Variants in ARFGEF3 observed in about 807,000 individuals in gnomAD.
The protein encoded by ARFGEF3 is ARFGEF family member 3.
Under a neutral mutation model 221.7 loss-of-function variants are expected in ARFGEF3, and 96 were observed. The observed-to-expected ratio is 0.43, with a 90% CI of 0.37 to 0.51. The LOEUF is 0.51. ARFGEF3 is among the 20% of genes least tolerant of loss of function. The probability of loss-of-function intolerance (pLI) is 0.00; values close to 1 mark genes in which losing one functional copy is unlikely to be tolerated. For synonymous variants in ARFGEF3, 1,145 were observed against 1,126.8 expected, an observed-to-expected ratio of 1.02 and a Z score of -0.32; for missense variants, 2,410 against 2,789.9, an observed-to-expected ratio of 0.86 and a Z score of 3.07.
At chr6:138,246,039 C>G (rs1450139332) in intron 8 of ARFGEF3, among the ~76,000 whole-genome samples, 1 of 152,206 alleles carries the variant, frequency 6.6e-6, no homozygotes, top group African/African-American at 2.4e-5. Flanking sequence ...ATTCCAGAGC[C>G]TATGAGCTCA....
chr6:138,275,365 A>G (rs181732340), intron 12 of ARFGEF3, among the ~76,000 whole-genome samples: 70 of 152,278 alleles, frequency 4.6e-4, no homozygotes, highest in African/African-American at 1.7e-3. Flanking sequence ...AAAAATGTTT[A>G]TACTGCCCTC....
At chr6:138,218,629 T>C in intron 4 of ARFGEF3, 2 of 785,538 alleles carry the variant, frequency 2.5e-6, no homozygotes, top group Non-Finnish European at 3.5e-6. Flanking sequence ...GTTTCAGATG[T>C]AGAGAATCAG....
In ARFGEF3 at chr6:138,334,392, C is replaced by T. The variant is rs374122476; in HGVS notation, c.5546C>T (p.Thr1849Met). The T allele has an allele frequency of 1.8e-5, 29 of 1,612,850 alleles. No homozygotes were observed. Among genetic ancestry groups the T allele is most frequent in the Non-Finnish European group, 2.3e-5 (27 of 1,179,590 alleles). ...CTTTTTGAGGACGACGAGAGAAGCA[C>T]GGATTCTTCCCAGCAGTGTTCATCT... is the stretch of plus-strand genomic sequence containing the variant. Reference protein sequence around the residue: ...KVLFEDDERSTDSSQQCSSED... With the variant: ...KVLFEDDERSMDSSQQCSSED... The change falls in exon 33 of 34, where the codon ACG (threonine) becomes ATG (methionine). Residue 1849 changes from threonine to methionine, a missense_variant. Coordinates refer to ENST00000251691, the MANE Select transcript of ARFGEF3 (RefSeq NM_020340.5). This position sits in a 1 kb window ranked among gnomAD's most constrained non-coding sequence, Gnocchi z 5.1.
intron 31 of ARFGEF3, 66 bp downstream of exon 31, chr6:138,324,220 T>C (rs1780089629): frequency 5.2e-6 from 8 of 1,550,758 alleles, no homozygotes; most frequent in Non-Finnish European, 5.3e-6. Flanking sequence ...GAGACCTTCC[T>C]TGAAGGTCTC....
chr6:138,329,189 G>C (rs1005466336), intron 32 of ARFGEF3, among the ~76,000 whole-genome samples: 1 of 152,088 alleles, frequency 6.6e-6, no homozygotes. Flanking sequence ...TGAAGGCAAT[G>C]ACCAACATTT....
intron 8 of ARFGEF3, among the ~76,000 whole-genome samples, chr6:138,250,562 A>G (rs1410980506): frequency 1.3e-5 from 2 of 152,204 alleles, no homozygotes; most frequent in Non-Finnish European, 2.9e-5. Flanking sequence ...AACTAAATTC[A>G]AATCTATTTC....
intron 2 of ARFGEF3, among the ~76,000 whole-genome samples, chr6:138,202,279 G>A (rs568894429): frequency 2.2e-4 from 34 of 152,166 alleles, no homozygotes; most frequent in Non-Finnish European, 4.7e-4. Flanking sequence ...GTGCAAAGGG[G>A]ATTGAGTGTG....
At chr6:138,332,315 G>A (rs1182343729) in intron 32 of ARFGEF3, among the ~76,000 whole-genome samples, 1 of 109,630 alleles carries the variant, frequency 9.1e-6, no homozygotes, top group Non-Finnish European at 1.7e-5. Flanking sequence ...GAGACTTACT[G>A]AATGCTACTC....
At chr6:138,261,501 GT>G in intron 10 of ARFGEF3, 25 bp from the exon 11 acceptor site, 1 of 1,418,024 alleles carries the variant, frequency 7.1e-7, no homozygotes. Context: ...TCACTTTTCT[GT>G]TACTCTTTTA....
chr6:138,315,799 G>A (rs1421501308), intron 26 of ARFGEF3, among the ~76,000 whole-genome samples: 1 of 151,300 alleles, frequency 6.6e-6, no homozygotes, highest in African/African-American at 2.4e-5. Context: ...GCAGTGAGCC[G>A]AGATTGCGCC....
chr6:138,203,871 G>T (rs1170441557), intron 2 of ARFGEF3, among the ~76,000 whole-genome samples: 1 of 151,852 alleles, frequency 6.6e-6, no homozygotes, highest in Non-Finnish European at 1.5e-5. Context: ...TCTATTGCTT[G>T]ACTTCGTGAT....
intron 12 of ARFGEF3, among the ~76,000 whole-genome samples, chr6:138,266,216 A>G (rs1394125071): frequency 6.6e-6 from 1 of 151,924 alleles, no homozygotes; most frequent in Admixed American, 6.6e-5. Flanking sequence ...CTGTCAAAGA[A>G]AGAGAAAGAG....
intron 29 of ARFGEF3, among the ~76,000 whole-genome samples, chr6:138,323,377 C>T (rs749665324): frequency 1.3e-5 from 2 of 152,054 alleles, no homozygotes; most frequent in African/African-American, 2.4e-5. Context: ...GTTGGGAGGC[C>T]GAGGTGGGTA....
chr6:138,328,842 A>G (rs558933917), intron 32 of ARFGEF3, among the ~76,000 whole-genome samples: 12 of 152,192 alleles, frequency 7.9e-5, no homozygotes, highest in Non-Finnish European at 1.5e-4. Context: ...GTAAAAAAAT[A>G]AAAATTTAGC....
chr6:138,193,919 C>T (rs1398911368), intron 2 of ARFGEF3, among the ~76,000 whole-genome samples: 1 of 151,930 alleles, frequency 6.6e-6, no homozygotes, highest in African/African-American at 2.4e-5. Context: ...ATATTTATGC[C>T]ATAGAGTTGT....
rs751201082 is a variant in ARFGEF3, at chr6:138,286,898, C to T, written c.2767C>T (p.Arg923Trp). The change falls in exon 16 of 34, where the codon CGG becomes TGG. Residue 923 changes from arginine to tryptophan, a missense_variant. Physicochemically the swap from Arg to Trp is moderately radical, Grantham distance 101. Around this residue, in one of 5 missense-constraint regions of ARFGEF3, gnomAD observed 594 missense variants for 734.3 expected, o/e 0.81. Transcript: ENST00000251691. ...CCTCGACGGGCTGCGGAAAGCCGCA[C>T]GGCTGAGCTGCGCTCTAGGTACCAG... ...MSLDGLRKAA[R>W]LSCALGVAAN... is the part of the protein sequence containing the mutation. The T allele has an allele frequency of 1.8e-5, 29 of 1,612,956 alleles. No individual in the cohort carries two copies. Among genetic ancestry groups the T allele is most frequent in the East Asian group, 4.5e-5 (2 of 44,892 alleles).
intron 4 of ARFGEF3, chr6:138,217,238 C>A (rs925772108): frequency 4.6e-5 from 7 of 152,192 alleles, no homozygotes; most frequent in African/African-American, 1.7e-4. Flanking sequence ...CTCACATAAT[C>A]TTAATTTAAG....
At chr6:138,326,643 C>T (rs975679405) in intron 31 of ARFGEF3, among the ~76,000 whole-genome samples, 18 of 152,246 alleles carry the variant, frequency 1.2e-4, no homozygotes, top group Non-Finnish European at 7.4e-5. Context: ...GAAAAAGTAA[C>T]GCTTTTATAC....
chr6:138,229,638 C>A (rs1412569646), intron 4 of ARFGEF3, 146 bp from the exon 5 acceptor site: 13 of 632,204 alleles, frequency 2.1e-5, no homozygotes. Context: ...AATGAGAAAG[C>A]AGTGGGTGGG....
Sources: gnomAD v4.1 joint callset for allele counts (sites outside exome capture counted in the v4.1 genomes callset) on GRCh38, gnomAD v4.1.1 for gene constraint, gnomAD v4.1.1 regional missense constraint, Gnocchi (gnomAD v3.1) non-coding constraint, MANE v1.5 for transcripts, NCBI Gene and HGNC (gene_info 2026-07-23, HGNC 2026-07-21) for gene names.